RICTOR: variants seen among roughly 807,000 people sequenced by gnomAD.
The protein encoded by RICTOR is RPTOR independent companion of MTOR complex 2.
Under a neutral mutation model 214.9 loss-of-function variants are expected in RICTOR, and 49 were observed. That is an observed-to-expected ratio of 0.23 (90% CI 0.18 to 0.29). RICTOR has a LOEUF of 0.29. RICTOR is among the 10% of genes least tolerant of loss of function. The pLI is 1.00. For missense variants in RICTOR, 1,625 were observed against 2,047.0 expected (o/e 0.79, Z 3.98); for synonymous variants, 717 against 711.3 (o/e 1.01, Z -0.13).
intron 29 of RICTOR, 128 bp downstream of exon 29, chr5:38,952,857 T>A (rs1748910887): frequency 3.4e-6 from 2 of 589,868 alleles, no homozygotes; most frequent in South Asian, 4.6e-5. Flanking sequence ...GTTAATAATC[T>A]TGTATCATTA....
rs562756345 is a variant in RICTOR at position 39,066,325 on chromosome 5, A to G, written c.97+7786T>C. On this transcript the variant is annotated intron_variant, in intron 2 of 37. Coordinates refer to ENST00000357387, the MANE Select transcript of RICTOR (RefSeq NM_152756.5). ...CTGGGATGCAGGGAGCAGTGTCTTG[A>G]GGCTGTGCAAGGCAGCAAGGCCCGG... is the stretch of plus-strand genomic sequence containing the variant. Among the ~76,000 whole-genome samples, 356 of 152,368 alleles carry G rather than the reference A, an allele frequency of 2.3e-3. 3 individuals carry two copies. Among genetic ancestry groups the G allele is most frequent in the South Asian group, 3.9e-3 (19 of 4,834 alleles).
intron 3 of RICTOR, among the ~76,000 whole-genome samples, chr5:39,004,931 G>A (rs1328439489): frequency 6.6e-6 from 1 of 151,872 alleles, no homozygotes; most frequent in African/African-American, 2.4e-5. Flanking sequence ...ACAGGCATGT[G>A]CCACCACGCC....
chr5:38,944,551 T>C lies in RICTOR; in HGVS notation c.4808A>G (p.Asp1603Gly), dbSNP rs1402989433. The part of the protein sequence containing the change: ...ELLLGVKTIP[D>G]DTPMCRILLR... ...GAGTATACGGCACATTGGTGTATCA[T>C]CTGGAATTGTTTTAACACCTGAAAA... The change falls in exon 36 of 38, where the codon GAT becomes GGT. Residue 1603 changes from aspartate (D) to glycine (G), a missense_variant. Physicochemically the swap from Asp to Gly is moderately conservative, Grantham distance 94 (BLOSUM62 -1). This residue lies in a region of RICTOR where 1,214 missense variants were observed against 1,470.5 expected (regional missense o/e 0.83). Transcript: ENST00000357387. The C allele has an allele frequency of 6.2e-7, 1 of 1,602,026 alleles. No individual in the cohort carries two copies. Among genetic ancestry groups the C allele is most frequent in the Non-Finnish European group, 8.5e-7 (1 of 1,176,304 alleles).
chr5:38,961,459 T>A (rs116969728), intron 19 of RICTOR, among the ~76,000 whole-genome samples: 1 of 152,116 alleles, frequency 6.6e-6, no homozygotes, highest in South Asian at 2.1e-4. Context: ...TTTATAGACA[T>A]AATTTATGAT....
chr5:39,033,840 A>G (rs1756453117), intron 2 of RICTOR, among the ~76,000 whole-genome samples: 1 of 152,196 alleles, frequency 6.6e-6, no homozygotes, highest in Admixed American at 6.5e-5. Context: ...TAAAGGTTGA[A>G]AAACAAACAA....
chr5:39,040,769 G>T (rs189728855), intron 2 of RICTOR, among the ~76,000 whole-genome samples: 4 of 152,066 alleles, frequency 2.6e-5, no homozygotes, highest in Admixed American at 2.6e-4. Context: ...GTATATCTAC[G>T]CAGTATTTCA....
At position 38,950,521 on chromosome 5, in the gene RICTOR, A is replaced by G. The variant is rs1343979948; in HGVS notation, c.3327T>C (p.His1109=). ...LNSLTLPNKK[H]RSSSDPKGGK... ...CTCCTTTTGGATCACTGCTACTACG[A>G]TGTTTTTTGTTAGGCAAAGTAAGCG... Residue 1109 remains histidine, a synonymous_variant, in exon 31 of 38, where the codon CAT becomes CAC. Coordinates refer to ENST00000357387, the MANE Select transcript of RICTOR (RefSeq NM_152756.5). 1.2e-6 allele frequency: 2 copies of G among 1,613,250 alleles called. No individual in the cohort carries two copies. Among genetic ancestry groups the G allele is most frequent in the Non-Finnish European group, 1.7e-6 (2 of 1,179,562 alleles).
intron 2 of RICTOR, among the ~76,000 whole-genome samples, chr5:39,038,597 A>C (rs1358866964): frequency 3.9e-5 from 6 of 152,262 alleles, no homozygotes; most frequent in Non-Finnish European, 8.8e-5. Flanking sequence ...AAATCTCCTT[A>C]AGCTGATAAG....
chr5:39,062,112 C>T (rs946043593), intron 2 of RICTOR, among the ~76,000 whole-genome samples: 8 of 152,018 alleles, frequency 5.3e-5, no homozygotes, highest in Admixed American at 2.0e-4. Context: ...TTAAAAACAC[C>T]GCTGAAAGTT....
At chr5:39,064,053 G>A (rs996003677) in intron 2 of RICTOR, among the ~76,000 whole-genome samples, 10 of 152,140 alleles carry the variant, frequency 6.6e-5, no homozygotes, top group Admixed American at 2.0e-4. Context: ...AGAGGAATAC[G>A]AAGAATATAC....
chr5:39,066,552 G>C (rs935737927), intron 2 of RICTOR, among the ~76,000 whole-genome samples: 6 of 152,202 alleles, frequency 3.9e-5, no homozygotes, highest in Admixed American at 1.3e-4. Flanking sequence ...CCCTGAAAAA[G>C]CTTTTTCTTT....
intron 7 of RICTOR, among the ~76,000 whole-genome samples, chr5:38,990,545 C>CAAGATATATAT (rs1431668180): frequency 2.8e-5 from 2 of 72,102 alleles, no homozygotes; most frequent in East Asian, 4.9e-4. Flanking sequence ...ACGATATATA[C>CAAGATATATAT]ACGATATACA....
At position 38,955,607 on chromosome 5, in the gene RICTOR, C is replaced by T. The variant is rs762042928; in HGVS notation, c.2597G>A (p.Arg866Gln). The T allele has an allele frequency of 1.5e-5, 24 of 1,590,130 alleles. No individual in the cohort carries two copies. The highest frequency in any genetic ancestry group is 1.8e-5 in the Non-Finnish European group (21 of 1,158,720). The change falls in exon 26 of 38, where the codon CGG (arginine) becomes CAG (glutamine). Residue 866 changes from arginine (R) to glutamine (Q), a missense_variant. Around this residue, in one of 5 missense-constraint regions of RICTOR, gnomAD observed 1,214 missense variants for 1,470.5 expected, o/e 0.83. Coordinates refer to ENST00000357387, the MANE Select transcript of RICTOR (RefSeq NM_152756.5). ...ACTGGGTACGCACCTTTGGTTACTC[C>T]GACGAACATAGTTATCACCATCAAC... is the stretch of plus-strand genomic sequence containing the variant. ...KPVDGDNYVRRSNQRLQRPHV... is the reference protein window; with the variant it reads ...KPVDGDNYVRQSNQRLQRPHV...
intron 7 of RICTOR, among the ~76,000 whole-genome samples, chr5:38,988,101 T>G (rs983398172): frequency 5.9e-5 from 9 of 152,142 alleles, no homozygotes; most frequent in Admixed American, 6.5e-5. Context: ...TTGCATTTGC[T>G]GAGGAGTGTT....
chr5:38,959,659 A>G, intron 21 of RICTOR, 120 bp downstream of exon 21: 1 of 650,374 alleles, frequency 1.5e-6, no homozygotes, highest in South Asian at 2.2e-5. Context: ...AGCAAAGATA[A>G]TGCTAATTTA....
intron 2 of RICTOR, among the ~76,000 whole-genome samples, chr5:39,038,002 C>G (rs1425201943): frequency 6.6e-6 from 1 of 152,148 alleles, no homozygotes; most frequent in Admixed American, 6.5e-5. Flanking sequence ...CAAAGCCTGG[C>G]AGAGACACAA....
At chr5:38,999,027 C>CAAAAAAAAAAAAAAAAA (rs1186312478) in intron 5 of RICTOR, among the ~76,000 whole-genome samples, 4 of 25,340 alleles carry the variant, frequency 1.6e-4, no homozygotes, top group African/African-American at 3.1e-4. Flanking sequence ...AACAAACAGG[C>CAAAAAAAAAAAAAAAAA]AAAAAAAAAA....
intron 9 of RICTOR, among the ~76,000 whole-genome samples, chr5:38,977,342 C>T (rs1280451008): frequency 6.6e-6 from 1 of 152,186 alleles, no homozygotes; most frequent in East Asian, 1.9e-4. Flanking sequence ...TGTTTTAAGC[C>T]ATCATGCTTA....
rs150326045 is a variant in RICTOR, at chr5:39,049,391, T to C, written c.97+24720A>G. Among the ~76,000 whole-genome samples, 330 of 152,306 alleles carry C rather than the reference T, an allele frequency of 2.2e-3. 1 individual carries two copies. The highest frequency in any genetic ancestry group is 7.7e-3 in the African/African-American group (318 of 41,566). ...ACAGGGGAGCTGGTAAACTTGTTCA[T>C]AGAGTCACACAGTAAACACTTTAGG... On this transcript the variant is annotated intron_variant, in intron 2 of 37. Coordinates refer to ENST00000357387, the MANE Select transcript of RICTOR (RefSeq NM_152756.5).
Sources: gnomAD v4.1 joint callset for allele counts (sites outside exome capture counted in the v4.1 genomes callset) on GRCh38, gnomAD v4.1.1 for gene constraint, gnomAD v4.1.1 regional missense constraint, MANE v1.5 for transcripts, NCBI Gene and HGNC (gene_info 2026-07-23, HGNC 2026-07-21) for gene names.